The following ATP8B4 variants were observed in gnomAD, a reference collection of about 807,000 sequenced individuals.
ATP8B4 encodes ATPase phospholipid transporting 8B4 (putative), also known as probable phospholipid-transporting ATPase IM.
ATP8B4 carries 133 observed loss-of-function variants against 145.6 expected under a neutral mutation model. The observed-to-expected ratio is 0.91, with a 90% CI of 0.79 to 1.05. The LOEUF (loss-of-function observed/expected upper bound fraction) is 1.05, where lower values mean the gene tolerates loss of function less well. Among genes scored for constraint, ATP8B4 ranks in the 50% least tolerant of loss-of-function variants. The pLI is 0.00. For missense variants in ATP8B4, 1,458 were observed against 1,425.2 expected (o/e 1.02, Z -0.37); for synonymous variants, 507 against 492.9 (o/e 1.03, Z -0.38).
In ATP8B4 at chr15:49,929,540, C is replaced by A. The variant is rs78654826; in HGVS notation, c.1642+1579G>T. 2.0e-5 allele frequency among the ~76,000 whole-genome samples: 3 copies of A among 151,924 alleles called. No homozygotes were observed. The East Asian group carries it at 5.8e-4, about 29-fold the overall frequency. On this transcript the variant is annotated intron_variant, in intron 16 of 27. Transcript: ENST00000284509. ...GTGTGTTTGGACTCTAGAAAGAGAT[C>A]GAAGCTAAACAGCTGTATAAGAAGG...
At chr15:50,023,891 A>G (rs948878290) in intron 6 of ATP8B4, among the ~76,000 whole-genome samples, 1 of 152,108 alleles carries the variant, frequency 6.6e-6, no homozygotes, top group African/African-American at 2.4e-5. Context: ...ATATGCTGAA[A>G]AATATTTCTC....
In ATP8B4 at chr15:50,085,394, G is replaced by C. The variant is rs1389506889; in HGVS notation, c.29-11209C>G. 2.6e-5 allele frequency among the ~76,000 whole-genome samples: 4 copies of C among 152,138 alleles called. No homozygotes were observed. In the East Asian group the frequency reaches 7.7e-4, roughly 29 times the overall value. ...GGTGCTGCTCGGAACCAGATAAGGG[G>C]CAATCAGGTGCAACTACATGAGTTT... On this transcript the variant is annotated intron_variant, in intron 2 of 27. Coordinates refer to ENST00000284509, the MANE Select transcript of ATP8B4 (RefSeq NM_024837.4).
intron 3 of ATP8B4, among the ~76,000 whole-genome samples, chr15:50,071,807 T>C (rs961859842): frequency 6.6e-6 from 1 of 152,180 alleles, no homozygotes; most frequent in Non-Finnish European, 1.5e-5. Flanking sequence ...AGGGATTTCT[T>C]GTCTCAAGAG....
At chr15:50,068,542 C>T (rs1362461689) in intron 3 of ATP8B4, among the ~76,000 whole-genome samples, 1 of 152,110 alleles carries the variant, frequency 6.6e-6, no homozygotes, top group Non-Finnish European at 1.5e-5. Context: ...TTACATAAGC[C>T]TATGCACTTC....
intron 17 of ATP8B4, among the ~76,000 whole-genome samples, chr15:49,920,810 G>A (rs2040192654): frequency 6.6e-6 from 1 of 152,138 alleles, no homozygotes; most frequent in East Asian, 1.9e-4. Context: ...ATGGACCTCA[G>A]CTTTCAGTGA....
In ATP8B4 at chr15:50,014,985, G is replaced by A. The variant is rs375176285; in HGVS notation, c.363-4068C>T. ...GTAGCAGAAATTGATTAGAAGCCAC[G>A]AAAATGTCCATCAATAGGAATTAGA... On this transcript the variant is annotated intron_variant, in intron 6 of 27. Coordinates refer to ENST00000284509, the MANE Select transcript of ATP8B4 (RefSeq NM_024837.4). 9.9e-5 allele frequency among the ~76,000 whole-genome samples: 15 copies of A among 152,224 alleles called. 1 individual carries two copies. In the South Asian group the frequency reaches 2.5e-3, roughly 25 times the overall value.
intron 5 of ATP8B4, among the ~76,000 whole-genome samples, chr15:50,039,579 A>G (rs1482835850): frequency 6.6e-6 from 1 of 152,216 alleles, no homozygotes; most frequent in Non-Finnish European, 1.5e-5. Flanking sequence ...AAAAAGTAAT[A>G]TAGAGAAAAT....
At chr15:49,968,379 A>G (rs2044751501) in intron 13 of ATP8B4, among the ~76,000 whole-genome samples, 1 of 152,176 alleles carries the variant, frequency 6.6e-6, no homozygotes, top group South Asian at 2.1e-4. Flanking sequence ...CAGGAGAGCC[A>G]TCTCATGTGC....
chr15:49,986,536 G>A (rs1055909512), intron 10 of ATP8B4, among the ~76,000 whole-genome samples: 1 of 152,198 alleles, frequency 6.6e-6, no homozygotes, highest in African/African-American at 2.4e-5. Context: ...GTATTTAGAG[G>A]AATTGGGAGA....
At chr15:50,164,540 A>G (rs551238649) in intron 1 of ATP8B4, among the ~76,000 whole-genome samples, 2 of 152,008 alleles carry the variant, frequency 1.3e-5, no homozygotes, top group East Asian at 1.9e-4. Context: ...TCCTCAAACA[A>G]TCTCTCTACT....
intron 1 of ATP8B4, among the ~76,000 whole-genome samples, chr15:50,169,054 C>T (rs1035628399): frequency 5.3e-5 from 8 of 152,176 alleles, no homozygotes; most frequent in Admixed American, 6.5e-5. Flanking sequence ...TGAGCTCAGA[C>T]AGGCCTAGCC....
rs1366396201 is a variant in ATP8B4, at chr15:50,016,721, C to T, written c.363-5804G>A. The stretch of plus-strand genomic sequence containing the variant: ...AGGAGGAGTGTCCTTAAGGAAAACA[C>T]TCTCGTCAGCCAAGGGCAATTCCCA... On this transcript the variant is annotated intron_variant, in intron 6 of 27. Transcript: ENST00000284509. Among the ~76,000 whole-genome samples, 3 of 152,176 alleles carry T rather than the reference C, an allele frequency of 2.0e-5. No individual in the cohort carries two copies. The East Asian group carries it at 5.8e-4, about 29-fold the overall frequency.
intron 6 of ATP8B4, among the ~76,000 whole-genome samples, chr15:50,020,716 A>G (rs2049486582): frequency 6.6e-6 from 1 of 152,078 alleles, no homozygotes; most frequent in Non-Finnish European, 1.5e-5. Context: ...TCAGCCAACA[A>G]CTAGGTTTCC....
chr15:49,966,267 C>A (rs2044529061), intron 13 of ATP8B4, among the ~76,000 whole-genome samples: 1 of 152,170 alleles, frequency 6.6e-6, no homozygotes, highest in Non-Finnish European at 1.5e-5. Flanking sequence ...GCCAGTGAGA[C>A]AGAACCATTC....
At chr15:50,125,323 C>T (rs11630182) in intron 1 of ATP8B4, among the ~76,000 whole-genome samples, 25,315 of 152,172 alleles carry the variant, frequency 0.17, 2,730 homozygotes, top group Middle Eastern at 0.25. Context: ...TGAGAAGAGA[C>T]GCTCTGCTCT....
chr15:50,082,562 A>G (rs2054622137), intron 2 of ATP8B4, among the ~76,000 whole-genome samples: 1 of 152,222 alleles, frequency 6.6e-6, no homozygotes, highest in African/African-American at 2.4e-5. Flanking sequence ...AGGGCTCACT[A>G]TAGCTTCACA....
chr15:50,063,170 C>T (rs958591170), intron 3 of ATP8B4, among the ~76,000 whole-genome samples: 1 of 151,696 alleles, frequency 6.6e-6, no homozygotes, highest in Non-Finnish European at 1.5e-5. Context: ...CCAGCAAAGA[C>T]AGTTCATTAT....
At chr15:49,871,927 G>T (rs535258894) in intron 25 of ATP8B4, among the ~76,000 whole-genome samples, 1 of 152,108 alleles carries the variant, frequency 6.6e-6, no homozygotes, top group African/African-American at 2.4e-5. Flanking sequence ...ATTAGGTAGG[G>T]GAGAAAACAA....
At chr15:49,925,380 G>A (rs2071453202) in intron 16 of ATP8B4, among the ~76,000 whole-genome samples, 1 of 151,698 alleles carries the variant, frequency 6.6e-6, no homozygotes, top group African/African-American at 2.4e-5. Context: ...GACATCACAT[G>A]TCACGTGGCT....
Sources: gnomAD v4.1 joint callset for allele counts (sites outside exome capture counted in the v4.1 genomes callset) on GRCh38, gnomAD v4.1.1 for gene constraint, MANE v1.5 for transcripts, NCBI Gene and HGNC (gene_info 2026-07-23, HGNC 2026-07-21) for gene names.